EPHA6: variants seen among roughly 807,000 people sequenced by gnomAD.
EPHA6 encodes EPH receptor A6.
A neutral mutation model predicts 112.0 loss-of-function variants in EPHA6; 50 were observed. The ratio of observed to expected loss-of-function variants is 0.45; its 90% CI spans 0.36 to 0.56. The LOEUF (loss-of-function observed/expected upper bound fraction) is 0.56, where lower values mean the gene tolerates loss of function less well. Ranked by LOEUF, EPHA6 falls within the 20% of genes least tolerant of loss-of-function variation. The probability of loss-of-function intolerance (pLI) is 0.00; values close to 1 mark genes in which losing one functional copy is unlikely to be tolerated. For missense variants in EPHA6, 1,280 were observed against 1,417.4 expected (o/e 0.90, Z 1.56); for synonymous variants, 529 against 490.7 (o/e 1.08, Z -1.03).
chr3:97,545,401 C>A (rs1005924110), intron 11 of EPHA6, among the ~76,000 whole-genome samples: 2 of 152,226 alleles, frequency 1.3e-5, no homozygotes, highest in African/African-American at 4.8e-5. Context: ...ATCCTGAGCT[C>A]TAGTTTGATT....
intron 13 of EPHA6, among the ~76,000 whole-genome samples, chr3:97,623,972 T>G (rs1469979538): frequency 6.6e-6 from 1 of 151,612 alleles, no homozygotes; most frequent in Non-Finnish European, 1.5e-5. Context: ...CTGTTGGTTA[T>G]CTAAGGTCCC....
chr3:97,647,134 T>C (rs913059932), intron 14 of EPHA6, among the ~76,000 whole-genome samples: 3 of 152,154 alleles, frequency 2.0e-5, no homozygotes, highest in African/African-American at 7.2e-5. Context: ...CAGCACATTG[T>C]ACTGTTATTC....
chr3:96,983,686 A>G (rs1437329758), intron 2 of EPHA6, among the ~76,000 whole-genome samples: 2 of 152,218 alleles, frequency 1.3e-5, no homozygotes, highest in Non-Finnish European at 2.9e-5. Flanking sequence ...ACTTTCAGGT[A>G]CACCAATCAG....
intron 3 of EPHA6, among the ~76,000 whole-genome samples, chr3:97,159,853 C>T (rs2076372457): frequency 6.6e-6 from 1 of 152,150 alleles, no homozygotes; most frequent in Non-Finnish European, 1.5e-5. Context: ...AGAAGTATTG[C>T]ATGTAAGGAA....
At chr3:97,647,740 G>T (rs1286472514) in intron 14 of EPHA6, among the ~76,000 whole-genome samples, 1 of 152,104 alleles carries the variant, frequency 6.6e-6, no homozygotes, top group Non-Finnish European at 1.5e-5. Flanking sequence ...AGAAATCACT[G>T]CCTTTTCTGA....
At chr3:97,724,506 C>A (rs1234672451) in intron 15 of EPHA6, among the ~76,000 whole-genome samples, 1 of 152,118 alleles carries the variant, frequency 6.6e-6, no homozygotes, top group Non-Finnish European at 1.5e-5. Context: ...CATAGTAGCT[C>A]ACACATATAA....
At chr3:97,269,854 G>GA (rs1270966166) in intron 5 of EPHA6, among the ~76,000 whole-genome samples, 7 of 152,000 alleles carry the variant, frequency 4.6e-5, no homozygotes, top group East Asian at 1.9e-4. Context: ...AAGTATACAA[G>GA]AAAAAAATGG....
intron 5 of EPHA6, among the ~76,000 whole-genome samples, chr3:97,253,562 T>G (rs1331922484): frequency 6.6e-6 from 1 of 152,182 alleles, no homozygotes; most frequent in African/African-American, 2.4e-5. Context: ...ATTCATTCTT[T>G]TATATTGCAA....
chr3:96,942,691 C>T lies in EPHA6; in HGVS notation c.451-44639C>T, dbSNP rs528245982. Among the ~76,000 whole-genome samples the T allele has an allele frequency of 1.6e-4, 25 of 152,326 alleles. No individual in the cohort carries two copies. The South Asian group carries it at 2.1e-3, about 13-fold the overall frequency. On this transcript the variant is annotated intron_variant, in intron 2 of 17. Coordinates refer to ENST00000389672, the MANE Select transcript of EPHA6 (RefSeq NM_001080448.3). Reference sequence around the variant, plus strand: ...CCTTAGATGGAAATGCAGAAATCACCGGTCTTCTGCTTTGCTCATGCTGGG... The same window carrying T: ...CCTTAGATGGAAATGCAGAAATCACTGGTCTTCTGCTTTGCTCATGCTGGG...
intron 3 of EPHA6, among the ~76,000 whole-genome samples, chr3:97,149,862 C>T (rs1038069041): frequency 6.7e-6 from 1 of 149,134 alleles, no homozygotes; most frequent in Non-Finnish European, 1.5e-5. Context: ...ACATATAATA[C>T]ATTATATGCA....
chr3:97,053,609 GAGTAACCTCAGTC>G (rs1434097939), intron 3 of EPHA6, among the ~76,000 whole-genome samples: 1 of 152,068 alleles, frequency 6.6e-6, no homozygotes, highest in African/African-American at 2.4e-5. Flanking sequence ...AGGTTCAGGG[GAGTAACCTCAGTC>G]AGCCTTAATA....
chr3:96,867,686 T>C (rs746036121), intron 2 of EPHA6, among the ~76,000 whole-genome samples: 24 of 151,872 alleles, frequency 1.6e-4, no homozygotes, highest in Non-Finnish European at 2.7e-4. Context: ...GGTAATTTTC[T>C]TATTAATCAC....
intron 5 of EPHA6, among the ~76,000 whole-genome samples, chr3:97,372,918 A>G (rs2085142544): frequency 6.6e-6 from 1 of 152,128 alleles, no homozygotes; most frequent in South Asian, 2.1e-4. Context: ...CTTTCCTGAA[A>G]AGTTTGTGTT....
intron 3 of EPHA6, among the ~76,000 whole-genome samples, chr3:97,131,807 A>G (rs1170766988): frequency 6.6e-6 from 1 of 152,142 alleles, no homozygotes; most frequent in Non-Finnish European, 1.5e-5. Flanking sequence ...TTAGATCTTG[A>G]TCAAAGTGTT....
At chr3:97,347,402 C>T (rs1397550145) in intron 5 of EPHA6, among the ~76,000 whole-genome samples, 2 of 151,840 alleles carry the variant, frequency 1.3e-5, no homozygotes, top group African/African-American at 4.8e-5. Flanking sequence ...TTGTTTTGTT[C>T]AATATTATAT....
At chr3:97,545,287 AG>A (rs1280734190) in intron 11 of EPHA6, among the ~76,000 whole-genome samples, 1 of 152,132 alleles carries the variant, frequency 6.6e-6, no homozygotes, top group East Asian at 1.9e-4. Flanking sequence ...TTGGTTTCAA[AG>A]AACATCTTTA....
At chr3:97,022,756 T>G (rs1576339590) in intron 3 of EPHA6, among the ~76,000 whole-genome samples, 1 of 152,196 alleles carries the variant, frequency 6.6e-6, no homozygotes, top group East Asian at 1.9e-4. Context: ...CTAAGAGGTG[T>G]TCCACTTCTT....
At chr3:96,881,339 C>T (rs1489439917) in intron 2 of EPHA6, among the ~76,000 whole-genome samples, 11 of 152,136 alleles carry the variant, frequency 7.2e-5, no homozygotes, top group Non-Finnish European at 1.6e-4. Flanking sequence ...GGAAGCCTCA[C>T]ATTCATGGTG....
intron 3 of EPHA6, among the ~76,000 whole-genome samples, chr3:97,123,583 T>G (rs1312104570): frequency 6.6e-6 from 1 of 152,078 alleles, no homozygotes; most frequent in Admixed American, 6.6e-5. Context: ...GCCATTTTCA[T>G]GAAAGCATGT....
Sources: gnomAD v4.1 joint callset for allele counts (sites outside exome capture counted in the v4.1 genomes callset) on GRCh38, gnomAD v4.1.1 for gene constraint, MANE v1.5 for transcripts, NCBI Gene and HGNC (gene_info 2026-07-23, HGNC 2026-07-21) for gene names.